The following ADGRL2 variants were observed in gnomAD, a reference collection of about 807,000 sequenced individuals.
The protein encoded by ADGRL2 is adhesion G protein-coupled receptor L2.
ADGRL2 carries 44 observed loss-of-function variants against 157.4 expected under a neutral mutation model. That is an observed-to-expected ratio of 0.28 (90% CI 0.22 to 0.36). The LOEUF (loss-of-function observed/expected upper bound fraction) is 0.36. Among genes scored for constraint, ADGRL2 ranks in the 10% least tolerant of loss-of-function variants. The pLI is 1.00. For synonymous variants in ADGRL2, 585 were observed against 624.7 expected (o/e 0.94, Z 0.95); for missense variants, 1,510 against 1,768.9 (o/e 0.85, Z 2.63).
rs1157284182 is a variant in ADGRL2 at position 81,662,950 on chromosome 1, T to G, written c.-143+81970T>G. Among the ~76,000 whole-genome samples the G allele has an allele frequency of 2.0e-5, 3 of 152,056 alleles. No homozygotes were observed. The East Asian group carries it at 5.8e-4, about 29-fold the overall frequency. Reference sequence around the variant, plus strand: ...TTTCAAGTAATGGTGGTGTTGAGGTTCAGAAAGCCACGCACCAGAGACTGC... The same window carrying G: ...TTTCAAGTAATGGTGGTGTTGAGGTGCAGAAAGCCACGCACCAGAGACTGC... On this transcript the variant is annotated intron_variant, in intron 3 of 24. Coordinates refer to the ADGRL2 transcript ENST00000370721.
rs150834158 is a variant in ADGRL2 at position 81,746,945 on chromosome 1, T to C, written c.-142-14866T>C. 5.3e-3 allele frequency among the ~76,000 whole-genome samples: 756 copies of C among 143,914 alleles called. 8 individuals are homozygous for C. The highest frequency in any genetic ancestry group is 0.023 in the Admixed American group (339 of 14,678). The allele number at this position is 143,914 out of a possible 152,430, so 94.4% of individuals were successfully genotyped here. ...ATACGTATATACACACGTATACACA[T>C]GTATGTATATACGTATATACACACG... On this transcript the variant is annotated intron_variant, in intron 1 of 20. Transcript: ENST00000359929.
At chr1:81,907,517 G>A (rs1165502248) in intron 3 of ADGRL2, among the ~76,000 whole-genome samples, 1 of 152,004 alleles carries the variant, frequency 6.6e-6, no homozygotes, top group Admixed American at 6.6e-5. Context: ...TGTAATCTTA[G>A]TTTTTAAGGC....
At chr1:81,936,507 T>C (rs1270952571) in intron 3 of ADGRL2, among the ~76,000 whole-genome samples, 2 of 151,916 alleles carry the variant, frequency 1.3e-5, no homozygotes, top group East Asian at 3.8e-4. Context: ...TTTTTACTTC[T>C]AGTTAAAATT....
chr1:81,472,081 T>G (rs1213324593), intron 2 of ADGRL2, among the ~76,000 whole-genome samples: 1 of 152,202 alleles, frequency 6.6e-6, no homozygotes, highest in Non-Finnish European at 1.5e-5. Context: ...AAATGTAATT[T>G]AAATCTTTCC....
intron 2 of ADGRL2, among the ~76,000 whole-genome samples, chr1:81,547,759 C>T (rs1409366362): frequency 6.6e-6 from 1 of 152,110 alleles, no homozygotes; most frequent in Admixed American, 6.6e-5. Flanking sequence ...TGGGAATTCC[C>T]AGCTTCTCCC....
chr1:81,799,371 C>T (rs957958411), upstream of ADGRL2, among the ~76,000 whole-genome samples: 3 of 152,172 alleles, frequency 2.0e-5, no homozygotes, highest in African/African-American at 4.8e-5. Context: ...AATATTAAAA[C>T]ATCAATACAT....
intron 2 of ADGRL2, among the ~76,000 whole-genome samples, chr1:81,459,362 C>T (rs1397455191): frequency 1.3e-5 from 2 of 152,140 alleles, no homozygotes; most frequent in East Asian, 3.9e-4. Flanking sequence ...AACCACCATT[C>T]TACCCTGCAT....
chr1:81,867,389 A>G (rs1402066747), intron 2 of ADGRL2, among the ~76,000 whole-genome samples: 1 of 152,210 alleles, frequency 6.6e-6, no homozygotes, highest in Non-Finnish European at 1.5e-5. Flanking sequence ...TCCCTGGAGT[A>G]TTCTGACTGC....
intron 1 of ADGRL2, among the ~76,000 whole-genome samples, chr1:81,391,633 G>A (rs1485904956): frequency 2.0e-5 from 1 of 51,276 alleles, no homozygotes; most frequent in African/African-American, 8.4e-5. Flanking sequence ...CTTTGAACAC[G>A]GCAGAGGTTT....
intron 3 of ADGRL2, among the ~76,000 whole-genome samples, chr1:81,592,803 AGTG>A (rs2081157758): frequency 6.6e-6 from 1 of 151,904 alleles, no homozygotes; most frequent in Admixed American, 6.6e-5. Flanking sequence ...GGGGTGGGGA[AGTG>A]GGTGCAGGCA....
intron 2 of ADGRL2, among the ~76,000 whole-genome samples, chr1:81,476,957 TG>T (rs1432220764): frequency 6.6e-6 from 1 of 152,208 alleles, no homozygotes; most frequent in African/African-American, 2.4e-5. Context: ...TAAATATTAC[TG>T]GTTTTGCATT....
At chr1:81,502,761 G>A (rs1489228278) in intron 2 of ADGRL2, 1 of 1,613,530 alleles carries the variant, frequency 6.2e-7, no homozygotes, top group Non-Finnish European at 8.5e-7. Flanking sequence ...ACCGCAGGGA[G>A]AGCCGGCGGC....
chr1:81,449,592 ATTTG>A (rs2077668434), intron 2 of ADGRL2, among the ~76,000 whole-genome samples: 1 of 151,992 alleles, frequency 6.6e-6, no homozygotes, highest in Non-Finnish European at 1.5e-5. Context: ...TATGGCCTTT[ATTTG>A]TTTTACTTTA....
At chr1:81,764,527 A>G (rs1034931492) in intron 2 of ADGRL2, among the ~76,000 whole-genome samples, 7 of 152,110 alleles carry the variant, frequency 4.6e-5, no homozygotes, top group Non-Finnish European at 7.4e-5. Context: ...CCATCATATT[A>G]GTTCTCAGTT....
chr1:81,644,075 G>A (rs1271315858), intron 3 of ADGRL2, among the ~76,000 whole-genome samples: 2 of 152,110 alleles, frequency 1.3e-5, no homozygotes, highest in African/African-American at 2.4e-5. Flanking sequence ...TAGACCCACA[G>A]AAATATAGTC....
chr1:81,991,193 A>G lies in ADGRL2; in HGVS notation c.*48A>G, dbSNP rs1354614482. The G allele has an allele frequency of 6.6e-7, 1 of 1,525,116 alleles. No homozygotes were observed. Among genetic ancestry groups the G allele is most frequent in the East Asian group, 2.3e-5 (1 of 44,070 alleles). The allele number at this position is 1,525,116 out of a possible 1,614,324, so 94.5% of individuals were successfully genotyped here. On this transcript the variant is annotated 3_prime_UTR_variant, in exon 24 of 24. Transcript: ENST00000686636. ...GGGCCACATGCGAGTATTAATAAAT[A>G]AAGACACCATTGGCCTGACGCAGCT...
intron 3 of ADGRL2, among the ~76,000 whole-genome samples, chr1:81,920,506 T>C (rs1027902613): frequency 6.6e-6 from 1 of 152,084 alleles, no homozygotes; most frequent in Non-Finnish European, 1.5e-5. Flanking sequence ...GAAGGGATCT[T>C]AAACTCTTCT....
At chr1:81,934,136 G>A (rs2095275264) in intron 3 of ADGRL2, among the ~76,000 whole-genome samples, 1 of 151,966 alleles carries the variant, frequency 6.6e-6, no homozygotes, top group Non-Finnish European at 1.5e-5. Flanking sequence ...GTCTTAAAGT[G>A]GATGCTTTGT....
chr1:81,634,099 A>G lies in ADGRL2; in HGVS notation c.-143+53119A>G, dbSNP rs186090454. On this transcript the variant is annotated intron_variant, in intron 3 of 24. Transcript: ENST00000370721. ...TGTAAGAGTCCCAGAGAGATAGTAG[A>G]AGAATCAAAAGAAAGTGGTATTCAG... Among the ~76,000 whole-genome samples, 309 of 152,296 alleles carry G rather than the reference A, an allele frequency of 2.0e-3. 1 individual carries two copies. The highest frequency in any genetic ancestry group is 3.3e-3 in the Non-Finnish European group (222 of 68,032).
Sources: allele counts gnomAD v4.1 joint callset (sites outside exome capture counted in the v4.1 genomes callset), GRCh38; gene constraint gnomAD v4.1.1; transcripts MANE v1.5; gene names NCBI Gene and HGNC (gene_info 2026-07-23, HGNC 2026-07-21).